The following SYT7 variants were observed in gnomAD, a reference collection of about 807,000 sequenced individuals.
SYT7 encodes synaptotagmin-7.
Under a neutral mutation model 75.1 loss-of-function variants are expected in SYT7, and 29 were observed. That is an observed-to-expected ratio of 0.39 (90% confidence interval 0.29 to 0.53). SYT7 has a LOEUF of 0.53. Among genes scored for constraint, SYT7 ranks in the 20% least tolerant of loss-of-function variants. The pLI, the probability that SYT7 is intolerant of heterozygous loss-of-function variation, is 0.77. For synonymous variants in SYT7, 376 were observed against 401.7 expected (o/e 0.94, Z 0.76); for missense variants, 693 against 953.2 (o/e 0.73, Z 3.59).
chr11:61,573,176 C>A (rs2063971068), intron 1 of SYT7, among the ~76,000 whole-genome samples: 2 of 152,204 alleles, frequency 1.3e-5, no homozygotes, highest in South Asian at 4.1e-4. Context: ...CCCTCCTGGG[C>A]CTGGCCCTGA....
At chr11:61,522,739 C>T (rs554587225) in intron 12 of SYT7, among the ~76,000 whole-genome samples, 6 of 152,236 alleles carry the variant, frequency 3.9e-5, no homozygotes, top group East Asian at 1.9e-4. Context: ...GATGGGACCC[C>T]GGGCAATACT....
At position 61,533,088 on chromosome 11, in the gene SYT7, G is replaced by A. The variant is rs145574545; in HGVS notation, c.1101C>T (p.Pro367=). The A allele has an allele frequency of 3.0e-4, 486 of 1,609,538 alleles. No individual in the cohort carries two copies. Among genetic ancestry groups the A allele is most frequent in the Non-Finnish European group, 3.9e-4 (454 of 1,178,202 alleles). The change falls in exon 8 of 13, where the codon CCC becomes CCT. Residue 367 remains proline (P), a synonymous_variant. Coordinates refer to ENST00000539008, the MANE Select transcript of SYT7 (RefSeq NM_001365809.2). ...PAGGKAVNTA[P]VPGQTPHDES... ...CATCGTGGGGTGTCTGGCCTGGCACGGGGGCTGTGTTCACCGCCTTCCCTC... is the reference window on the plus strand; with the variant it reads ...CATCGTGGGGTGTCTGGCCTGGCACAGGGGCTGTGTTCACCGCCTTCCCTC...
upstream of SYT7, among the ~76,000 whole-genome samples, chr11:61,583,132 C>T (rs536738284): frequency 6.6e-5 from 10 of 151,880 alleles, no homozygotes; most frequent in Non-Finnish European, 1.3e-4. Context: ...GAGGCTGCGA[C>T]GGGAGGATGG....
At chr11:61,541,327 A>C (rs1590876408) in intron 6 of SYT7, 5 of 966,942 alleles carry the variant, frequency 5.2e-6, no homozygotes, top group Middle Eastern at 5.4e-4. Flanking sequence ...AGGGCAAAGG[A>C]GGGGGGTGAT....
intron 1 of SYT7, among the ~76,000 whole-genome samples, chr11:61,565,723 G>A (rs1411375158): frequency 6.6e-6 from 1 of 152,268 alleles, no homozygotes; most frequent in African/African-American, 2.4e-5. Flanking sequence ...CCCTGGAGGT[G>A]CCCACAACCC....
intron 7 of SYT7, among the ~76,000 whole-genome samples, chr11:61,535,097 A>G (rs1052560224): frequency 2.5e-4 from 38 of 152,162 alleles, no homozygotes; most frequent in African/African-American, 8.7e-4. Context: ...GGACAGAGAG[A>G]CAGAGGTGAG....
chr11:61,551,558 G>A lies in SYT7; in HGVS notation c.136-95C>T. The stretch of plus-strand genomic sequence containing the variant: ...ACCCGGAGGGGAAGGAGATAGACTG[G>A]AGTCGGGCCGTGGCAACAAGGCCAG... On this transcript the variant is annotated intron_variant, in intron 2 of 12. Coordinates refer to ENST00000539008, the MANE Select transcript of SYT7 (RefSeq NM_001365809.2). This position sits in a 1 kb window ranked among gnomAD's most constrained non-coding sequence, Gnocchi z 5.3. 7.7e-7 allele frequency: 1 copy of A among 1,302,194 alleles called. No homozygotes were observed. The highest frequency in any genetic ancestry group is 1.1e-6 in the Non-Finnish European group (1 of 917,304). The allele number at this position is 1,302,194 out of a possible 1,614,324, so 80.7% of individuals were successfully genotyped here.
chr11:61,567,785 C>T (rs2063813104), intron 1 of SYT7, among the ~76,000 whole-genome samples: 1 of 152,220 alleles, frequency 6.6e-6, no homozygotes, highest in South Asian at 2.1e-4. Context: ...GAAGCAGCGG[C>T]AGACGGTTCT....
rs180895909 is a variant in SYT7, at chr11:61,554,007, A to C, written c.135+2097T>G. Among the ~76,000 whole-genome samples, 413 of 152,016 alleles carry C rather than the reference A, an allele frequency of 2.7e-3. 3 individuals are homozygous for C. Among genetic ancestry groups the C allele is most frequent in the African/African-American group, 9.6e-3 (399 of 41,446 alleles). The stretch of plus-strand genomic sequence containing the variant: ...TGGCAGGGCTTGGGGGACTGGGGAG[A>C]GTAGCATTCTATCCACAGCAAGTCA... On this transcript the variant is annotated intron_variant, in intron 2 of 12. Transcript: ENST00000539008.
At chr11:61,587,072 C>A in the SYT7 span, among the ~76,000 whole-genome samples, 3 of 152,096 alleles carry the variant, frequency 2.0e-5, no homozygotes, top group Non-Finnish European at 4.4e-5. Context: ...TCTAAGAGCT[C>A]TTTTGATATT....
rs1162947810 is a variant in SYT7 at position 61,546,339 on chromosome 11, G to A, written c.348-84C>T. On this transcript the variant is annotated intron_variant, in intron 4 of 12. Transcript: ENST00000539008. The surrounding 1 kb of genome is among the most constrained non-coding windows in gnomAD (Gnocchi z 7.6). ...AGAGGGCAGGCCATACGTGGGGGTC[G>A]GGGGGTGGAAGAGGAAGAAAAACAA... 1.9e-5 allele frequency: 17 copies of A among 907,506 alleles called. 1 individual carries two copies. Among genetic ancestry groups the A allele is most frequent in the South Asian group, 5.5e-5 (3 of 54,112 alleles). The allele number at this position is 907,506 out of a possible 1,614,324, so 56.2% of individuals were successfully genotyped here.
At chr11:61,575,605 C>G (rs564562572) in intron 1 of SYT7, among the ~76,000 whole-genome samples, 3 of 152,330 alleles carry the variant, frequency 2.0e-5, no homozygotes, top group South Asian at 4.1e-4. Flanking sequence ...GCAGACGAGG[C>G]CTTCATGGCC....
At chr11:61,535,595 C>T (rs995212754) in intron 7 of SYT7, among the ~76,000 whole-genome samples, 23 of 152,166 alleles carry the variant, frequency 1.5e-4, no homozygotes, top group Admixed American at 9.2e-4. Context: ...TGAAGGATCC[C>T]AGATGGGGGA....
intron 7 of SYT7, among the ~76,000 whole-genome samples, chr11:61,534,765 C>G (rs1198184939): frequency 6.6e-6 from 1 of 152,070 alleles, no homozygotes; most frequent in Non-Finnish European, 1.5e-5. Flanking sequence ...CGGAAACGCC[C>G]ACTCCACCCA....
chr11:61,584,251 C>T (rs1467801049), upstream of SYT7, among the ~76,000 whole-genome samples: 2 of 151,482 alleles, frequency 1.3e-5, no homozygotes, highest in Non-Finnish European at 2.9e-5. Context: ...AAAAATTAGC[C>T]GGGCGTGGTG....
At position 61,513,818 on chromosome 11, in the gene SYT7, A is replaced by G. The variant is rs1397644444; in HGVS notation, c.*4809T>C. On this transcript the variant is annotated 3_prime_UTR_variant, in exon 13 of 13. Coordinates refer to ENST00000539008, the MANE Select transcript of SYT7 (RefSeq NM_001365809.2). ...AGGGGGCTCACAATCTACACAAGAC[A>G]CGACACATACACGCAGGACACAGAC... 3.3e-5 allele frequency among the ~76,000 whole-genome samples: 5 copies of G among 152,212 alleles called. No homozygotes were observed. Among genetic ancestry groups the G allele is most frequent in the African/African-American group, 1.2e-4 (5 of 41,450 alleles).
At chr11:61,538,123 G>A (rs2062924161) in intron 7 of SYT7, 21 bp downstream of exon 7, 2 of 1,535,450 alleles carry the variant, frequency 1.3e-6, no homozygotes, top group African/African-American at 1.4e-5. Context: ...CGCCGCCGCA[G>A]GCCCTCGCCT....
Position 61,542,583 on chromosome 11 carries a change from G to C in SYT7, c.573-4C>G, listed in dbSNP as rs1359119852. 1 of 1,488,156 alleles carries C rather than the reference G, an allele frequency of 6.7e-7. No individual in the cohort carries two copies. The highest frequency in any genetic ancestry group is 8.9e-7 in the Non-Finnish European group (1 of 1,122,012). 92.2% of individuals were successfully genotyped at this position (1,488,156 alleles called of 1,614,324 possible). On this transcript the variant is annotated splice_polypyrimidine_tract_variant and splice_region_variant and intron_variant, in intron 5 of 12. Transcript: ENST00000539008. This position sits in a 1 kb window ranked among gnomAD's most constrained non-coding sequence, Gnocchi z 7.8. Reference sequence around the variant, plus strand: ...GGACAGGGTGGAGTCCTCGAAACTTGGGGCAGGTGGAGGAGAGGAGAGAAA... The same window carrying C: ...GGACAGGGTGGAGTCCTCGAAACTTCGGGCAGGTGGAGGAGAGGAGAGAAA...
At chr11:61,578,595 C>G (rs533870946) in intron 1 of SYT7, among the ~76,000 whole-genome samples, 71 of 152,094 alleles carry the variant, frequency 4.7e-4, no homozygotes, top group African/African-American at 1.6e-3. Context: ...GTCTAGGGAG[C>G]CTTGGGGGAG....
Sources: gnomAD v4.1 joint callset for allele counts (sites outside exome capture counted in the v4.1 genomes callset) on GRCh38, gnomAD v4.1.1 for gene constraint, Gnocchi (gnomAD v3.1) non-coding constraint, MANE v1.5 for transcripts, NCBI Gene and HGNC (gene_info 2026-07-23, HGNC 2026-07-21) for gene names.